Variants in TMEM87B observed in about 807,000 individuals in gnomAD.
TMEM87B encodes transmembrane protein 87B.
A neutral mutation model predicts 80.3 loss-of-function variants in TMEM87B; 83 were observed. The observed-to-expected ratio is 1.03, with a 90% CI of 0.87 to 1.24. The LOEUF (loss-of-function observed/expected upper bound fraction) is 1.24, where lower values mean the gene tolerates loss of function less well. Among genes scored for constraint, TMEM87B ranks in the 50% most tolerant of loss-of-function variants. TMEM87B has a pLI of 0.00. For missense variants in TMEM87B, 625 were observed against 674.4 expected (o/e 0.93, Z 0.81); for synonymous variants, 219 against 230.5 (o/e 0.95, Z 0.45).
At chr2:112,099,882 CAA>C (rs57117477) in intron 14 of TMEM87B, among the ~76,000 whole-genome samples, 7 of 67,942 alleles carry the variant, frequency 1.0e-4, no homozygotes, top group Non-Finnish European at 1.3e-4. Context: ...GACCCTGTCT[CAA>C]AAAAAAAAAA....
At chr2:112,083,082 T>A (rs1265705904) in intron 8 of TMEM87B, among the ~76,000 whole-genome samples, 3 of 152,216 alleles carry the variant, frequency 2.0e-5, no homozygotes, top group Admixed American at 2.0e-4. Flanking sequence ...TCTTGAAGCA[T>A]CAAATTTAGA....
intron 6 of TMEM87B, among the ~76,000 whole-genome samples, chr2:112,079,384 C>A (rs80351266): frequency 0.019 from 2,925 of 152,270 alleles, 101 homozygotes; most frequent in African/African-American, 0.066. Flanking sequence ...CTGTGCTTGA[C>A]TCATTTCACT....
At chr2:112,074,263 A>G (rs910644398) in intron 4 of TMEM87B, among the ~76,000 whole-genome samples, 6 of 152,154 alleles carry the variant, frequency 3.9e-5, no homozygotes, top group African/African-American at 1.4e-4. Context: ...GCAGGTCTGA[A>G]TGAATTCCCT....
chr2:112,076,156 G>A (rs1440460965), intron 5 of TMEM87B, among the ~76,000 whole-genome samples: 1 of 152,076 alleles, frequency 6.6e-6, no homozygotes, highest in African/African-American at 2.4e-5. Context: ...GGAGGCTGAG[G>A]CACAAGAATT....
chr2:112,074,337 A>T (rs1487576486), intron 4 of TMEM87B, among the ~76,000 whole-genome samples: 1 of 152,186 alleles, frequency 6.6e-6, no homozygotes, highest in East Asian at 1.9e-4. Flanking sequence ...GTTTGGCCAG[A>T]CATAAAATTC....
intron 9 of TMEM87B, among the ~76,000 whole-genome samples, 171 bp from the exon 10 acceptor site, chr2:112,089,454 C>G (rs141476884): frequency 8.5e-5 from 13 of 152,176 alleles, no homozygotes; most frequent in African/African-American, 3.1e-4. Context: ...AGAAAGAGAC[C>G]CTTTGTTCCT....
chr2:112,085,090 C>A (rs1679104586), intron 8 of TMEM87B, among the ~76,000 whole-genome samples: 1 of 152,206 alleles, frequency 6.6e-6, no homozygotes, highest in Admixed American at 6.5e-5. Context: ...GGCCCATGGG[C>A]CATAGTTTAC....
intron 15 of TMEM87B, among the ~76,000 whole-genome samples, chr2:112,101,826 A>G (rs976186316): frequency 6.6e-6 from 1 of 152,170 alleles, no homozygotes; most frequent in African/African-American, 2.4e-5. Flanking sequence ...TATGGTAAAA[A>G]AGGTAAATAA....
chr2:112,059,701 A>G (rs1052275088), intron 1 of TMEM87B, among the ~76,000 whole-genome samples: 4 of 152,200 alleles, frequency 2.6e-5, no homozygotes, highest in Admixed American at 6.5e-5. Flanking sequence ...TCTGAGCAGC[A>G]CTAATCCTGC....
At chr2:112,107,396 AT>A (rs201068454) in intron 16 of TMEM87B, among the ~76,000 whole-genome samples, 1 of 150,796 alleles carries the variant, frequency 6.6e-6, no homozygotes, top group Non-Finnish European at 1.5e-5. Context: ...TATTATCATC[AT>A]TTTTTTTAAA....
chr2:112,098,221 A>G lies in TMEM87B; in HGVS notation c.1273-374A>G, dbSNP rs1404932915. Among the ~76,000 whole-genome samples the G allele has an allele frequency of 2.0e-5, 3 of 152,176 alleles. No individual in the cohort carries two copies. The East Asian group carries it at 5.8e-4, about 29-fold the overall frequency. The stretch of plus-strand genomic sequence containing the variant: ...TTGGAGCTAGTCTCTAGTGCCATAT[A>G]AATAATCACAAAAAGCCCTCTGAAA... On this transcript the variant is annotated intron_variant, in intron 13 of 18. Coordinates refer to ENST00000283206, the MANE Select transcript of TMEM87B (RefSeq NM_032824.3).
intron 14 of TMEM87B, among the ~76,000 whole-genome samples, chr2:112,099,525 C>CATATATATATATAT (rs778514391): frequency 1.4e-3 from 172 of 122,710 alleles, no homozygotes; most frequent in African/African-American, 3.1e-3. Context: ...TACAATAATA[C>CATATATATATATAT]ATATATATAT....
chr2:112,091,112 C>T (rs548182652), intron 10 of TMEM87B, among the ~76,000 whole-genome samples: 1 of 152,036 alleles, frequency 6.6e-6, no homozygotes, highest in African/African-American at 2.4e-5. Flanking sequence ...TTGTGGCACA[C>T]GCCTGTAATC....
At chr2:112,107,765 G>T in intron 16 of TMEM87B, 23 bp from the exon 17 acceptor site, 1 of 1,491,482 alleles carries the variant, frequency 6.7e-7, no homozygotes, top group Non-Finnish European at 9.2e-7. Context: ...TTAAGCAAAT[G>T]CTAAGTATAA....
chr2:112,098,721 A>G (rs1272472324), intron 14 of TMEM87B, 23 bp downstream of exon 14: 1 of 1,606,458 alleles, frequency 6.2e-7, no homozygotes, highest in African/African-American at 1.3e-5. Context: ...GGAAATTTCA[A>G]GTCGTCAAGG....
intron 4 of TMEM87B, among the ~76,000 whole-genome samples, chr2:112,073,836 C>A (rs1678731503): frequency 6.6e-6 from 1 of 152,208 alleles, no homozygotes; most frequent in Non-Finnish European, 1.5e-5. Context: ...GAACCCTTTA[C>A]CATTACATAA....
intron 1 of TMEM87B, 47 bp from the exon 2 acceptor site, chr2:112,059,928 CAA>C: frequency 6.4e-7 from 1 of 1,572,836 alleles, no homozygotes; most frequent in Non-Finnish European, 8.7e-7. Flanking sequence ...AAAACAGTTG[CAA>C]AAAAAACTTT....
chr2:112,108,794 G>A (rs1275376416), intron 17 of TMEM87B, among the ~76,000 whole-genome samples: 2 of 151,930 alleles, frequency 1.3e-5, no homozygotes, highest in African/African-American at 4.8e-5. Context: ...GGTTTGTGTG[G>A]GCATATATTT....
intron 15 of TMEM87B, among the ~76,000 whole-genome samples, chr2:112,104,090 A>T (rs1392358381): frequency 6.6e-6 from 1 of 152,220 alleles, no homozygotes; most frequent in African/African-American, 2.4e-5. Flanking sequence ...CAATCAATTC[A>T]AGATGGATCA....
Sources: gnomAD v4.1 joint callset for allele counts (sites outside exome capture counted in the v4.1 genomes callset) on GRCh38, gnomAD v4.1.1 for gene constraint, MANE v1.5 for transcripts, NCBI Gene and HGNC (gene_info 2026-07-23, HGNC 2026-07-21) for gene names.